DLC1: variants seen among roughly 807,000 people sequenced by gnomAD.
DLC1 encodes the protein rho GTPase-activating protein 7.
A neutral mutation model predicts 140.3 loss-of-function variants in DLC1; 54 were observed. The ratio of observed to expected loss-of-function variants is 0.38; its 90% CI spans 0.31 to 0.48. DLC1 has a LOEUF of 0.48. Ranked by LOEUF, DLC1 falls within the 20% of genes least tolerant of loss-of-function variation. The pLI, the probability that DLC1 is intolerant of heterozygous loss-of-function variation, is 0.96. For missense variants in DLC1, 2,536 were observed against 1,907.0 expected (o/e 1.33, Z -6.14); for synonymous variants, 986 against 728.1 (o/e 1.35, Z -5.70).
At chr8:13,306,133 C>G (rs1372857751) in intron 4 of DLC1, among the ~76,000 whole-genome samples, 1 of 152,162 alleles carries the variant, frequency 6.6e-6, no homozygotes, top group African/African-American at 2.4e-5. Context: ...CGTACCAGAT[C>G]TTCAGGGAAA....
intron 5 of DLC1, among the ~76,000 whole-genome samples, chr8:13,185,195 G>A (rs1281846621): frequency 8.0e-6 from 1 of 124,248 alleles, no homozygotes; most frequent in Non-Finnish European, 1.6e-5. Flanking sequence ...GAGCCTATAT[G>A]TGTCTTTGCA....
At chr8:13,109,201 T>C (rs1283028242) in intron 7 of DLC1, among the ~76,000 whole-genome samples, 1 of 152,144 alleles carries the variant, frequency 6.6e-6, no homozygotes, top group Non-Finnish European at 1.5e-5. Flanking sequence ...CTGCTTTCCT[T>C]GCCTACAAAG....
intron 2 of DLC1, among the ~76,000 whole-genome samples, chr8:13,429,578 C>G (rs761731718): frequency 5.3e-5 from 8 of 152,118 alleles, no homozygotes; most frequent in South Asian, 2.1e-4. Context: ...ATTGAGCTTC[C>G]TAGCAGTGAA....
chr8:13,583,331 A>T (rs1361102864), intron 1 of DLC1, among the ~76,000 whole-genome samples: 1 of 152,180 alleles, frequency 6.6e-6, no homozygotes. Flanking sequence ...TTTTCACAGC[A>T]TCTTCATCAG....
At chr8:13,387,943 C>G (rs572388550) in intron 4 of DLC1, among the ~76,000 whole-genome samples, 1 of 151,978 alleles carries the variant, frequency 6.6e-6, no homozygotes, top group Non-Finnish European at 1.5e-5. Context: ...TTTGCACAGT[C>G]TTTGAAAGAC....
intron 5 of DLC1, among the ~76,000 whole-genome samples, chr8:13,126,273 T>C (rs1189281615): frequency 2.0e-5 from 3 of 151,778 alleles, no homozygotes; most frequent in African/African-American, 7.3e-5. Context: ...AAGAAGGAAA[T>C]GGATACTGAA....
intron 2 of DLC1, among the ~76,000 whole-genome samples, chr8:13,423,259 T>G (rs1395534979): frequency 6.6e-6 from 1 of 152,182 alleles, no homozygotes. Context: ...TTTGTAAAAT[T>G]ATATTGAAAG....
intron 4 of DLC1, among the ~76,000 whole-genome samples, chr8:13,385,093 G>T (rs1231628665): frequency 1.3e-5 from 2 of 152,136 alleles, no homozygotes; most frequent in African/African-American, 2.4e-5. Context: ...AGTTTTGGGG[G>T]TGCCCTAGAG....
At chr8:13,484,900 T>G (rs1028167824) in intron 2 of DLC1, among the ~76,000 whole-genome samples, 1 of 151,966 alleles carries the variant, frequency 6.6e-6, no homozygotes, top group Admixed American at 6.6e-5. Flanking sequence ...GGACTCACAG[T>G]GGTTGGACCA....
chr8:13,121,886 C>T (rs1318117660), intron 5 of DLC1, among the ~76,000 whole-genome samples: 2 of 152,096 alleles, frequency 1.3e-5, no homozygotes, highest in Admixed American at 6.5e-5. Context: ...ACCATCCCCT[C>T]CCCAGGTATT....
chr8:13,430,076 G>A (rs1838791038), intron 2 of DLC1, among the ~76,000 whole-genome samples: 1 of 152,124 alleles, frequency 6.6e-6, no homozygotes, highest in East Asian at 1.9e-4. Context: ...ATAGTATTCA[G>A]AATCTGTGGG....
chr8:13,243,189 C>A (rs1036279051), intron 5 of DLC1, among the ~76,000 whole-genome samples: 1 of 147,944 alleles, frequency 6.8e-6, no homozygotes, highest in Non-Finnish European at 1.5e-5. Context: ...ACTCGGGAGA[C>A]TGAGGCAGGA....
intron 5 of DLC1, among the ~76,000 whole-genome samples, chr8:13,242,582 C>A (rs2117247574): frequency 6.6e-6 from 1 of 152,076 alleles, no homozygotes; most frequent in East Asian, 1.9e-4. Context: ...TTTGTACAGA[C>A]AGAGTTTTGC....
At chr8:13,159,316 C>T (rs564548203) in intron 5 of DLC1, among the ~76,000 whole-genome samples, 12 of 152,292 alleles carry the variant, frequency 7.9e-5, no homozygotes, top group East Asian at 5.8e-4. Context: ...GCGGGCATTT[C>T]GTAAAATTGC....
chr8:13,400,601 A>G (rs1837250864), intron 3 of DLC1, among the ~76,000 whole-genome samples: 1 of 152,200 alleles, frequency 6.6e-6, no homozygotes, highest in Admixed American at 6.5e-5. Flanking sequence ...AATTTGTATC[A>G]AATAATTTGA....
intron 3 of DLC1, among the ~76,000 whole-genome samples, chr8:13,396,845 C>G (rs575006612): frequency 6.6e-6 from 1 of 152,158 alleles, no homozygotes; most frequent in Admixed American, 6.5e-5. Context: ...CATCCGCTCC[C>G]TCCTTTAATT....
At chr8:13,369,955 C>T (rs1019670742) in intron 4 of DLC1, among the ~76,000 whole-genome samples, 1 of 151,340 alleles carries the variant, frequency 6.6e-6, no homozygotes, top group African/African-American at 2.4e-5. Context: ...AGTCAAAGTC[C>T]CTACAAGGCC....
chr8:13,279,597 G>T (rs1329544818), intron 5 of DLC1, among the ~76,000 whole-genome samples: 1 of 152,160 alleles, frequency 6.6e-6, no homozygotes, highest in Non-Finnish European at 1.5e-5. Context: ...ACGTAGAGCT[G>T]ACAATTTGGC....
At chr8:13,454,166 A>G (rs1202207484) in intron 2 of DLC1, among the ~76,000 whole-genome samples, 1 of 152,172 alleles carries the variant, frequency 6.6e-6, no homozygotes, top group East Asian at 1.9e-4. Flanking sequence ...CAAAAAACAA[A>G]TGTTTGTCCA....
Sources: gnomAD v4.1 joint callset for allele counts (sites outside exome capture counted in the v4.1 genomes callset) on GRCh38, gnomAD v4.1.1 for gene constraint, MANE v1.5 for transcripts, NCBI Gene and HGNC (gene_info 2026-07-23, HGNC 2026-07-21) for gene names.